The following RAB32 variants were observed in gnomAD, a reference collection of about 807,000 sequenced individuals.
RAB32 encodes the protein ras-related protein Rab-32.
A neutral mutation model predicts 17.5 loss-of-function variants in RAB32; 17 were observed. The ratio of observed to expected loss-of-function variants is 0.97; its 90% confidence interval spans 0.67 to 1.46. The LOEUF (loss-of-function observed/expected upper bound fraction) is 1.46. RAB32 is among the 40% of genes most tolerant of loss of function. The pLI, the probability that RAB32 is intolerant of heterozygous loss-of-function variation, is 0.00. For synonymous variants in RAB32, 115 were observed against 111.1 expected, an observed-to-expected ratio of 1.04 and a Z score of -0.22; for missense variants, 288 against 284.3, an observed-to-expected ratio of 1.01 and a Z score of -0.09.
At chr6:146,544,846 T>C (rs1779801329) in intron 1 of RAB32, among the ~76,000 whole-genome samples, 1 of 123,278 alleles carries the variant, frequency 8.1e-6, no homozygotes, top group Non-Finnish European at 1.6e-5. Flanking sequence ...TTTGAGGGGG[T>C]ACATTTCCCT....
At chr6:146,548,440 C>T (rs1779851201) in intron 1 of RAB32, among the ~76,000 whole-genome samples, 1 of 152,170 alleles carries the variant, frequency 6.6e-6, no homozygotes, top group South Asian at 2.1e-4. Flanking sequence ...GCCTGTTGCT[C>T]ATGTGTTTCA....
chr6:146,550,086 G>T (rs1779876835), intron 2 of RAB32, among the ~76,000 whole-genome samples: 1 of 152,188 alleles, frequency 6.6e-6, no homozygotes, highest in Non-Finnish European at 1.5e-5. Flanking sequence ...TTTACAAAAG[G>T]CTAAGTGAAT....
At position 146,554,512 on chromosome 6, in the gene RAB32, C is replaced by A; in HGVS notation, c.585C>A (p.Asn195Lys). 6.2e-7 allele frequency: 1 copy of A among 1,613,860 alleles called. No homozygotes were observed. ...TCCTAGTGGAGAAGATTCTTGTAAA[C>A]CACCAAAGCTTTCCTAATGAAGAAA... is the stretch of plus-strand genomic sequence containing the variant. ...ARFLVEKILVNHQSFPNEEND... is the reference protein window; with the variant it reads ...ARFLVEKILVKHQSFPNEEND... The change falls in exon 3 of 3, where the codon AAC becomes AAA. Residue 195 changes from asparagine to lysine, a missense_variant. Asn to Lys is a moderately conservative substitution (Grantham distance 94, BLOSUM62 0). Transcript: ENST00000367495.
intron 1 of RAB32, among the ~76,000 whole-genome samples, chr6:146,546,280 G>T (rs958609994): frequency 1.2e-4 from 19 of 152,016 alleles, no homozygotes; most frequent in African/African-American, 3.6e-4. Flanking sequence ...AGGTATTGTT[G>T]TCCCATACAG....
chr6:146,550,791 A>G (rs1779887798), intron 2 of RAB32, among the ~76,000 whole-genome samples: 1 of 152,110 alleles, frequency 6.6e-6, no homozygotes, highest in African/African-American at 2.4e-5. Context: ...TTTATGTAAG[A>G]ATGATGAAAT....
chr6:146,544,779 G>GCCC (rs368191392), intron 1 of RAB32, among the ~76,000 whole-genome samples: 34 of 68,248 alleles, frequency 5.0e-4, no homozygotes, highest in African/African-American at 1.5e-3. Flanking sequence ...GCCCCCCCCC[G>GCCC]CCCCCCCCCC....
chr6:146,543,844 C>A lies in RAB32; in HGVS notation c.-28C>A. The stretch of plus-strand genomic sequence containing the variant: ...CCGGGCAGGGGGCCAGACTCGGAGT[C>A]GAGGCGCGCCCGACAGCCGCAGCGC... On this transcript the variant is annotated 5_prime_UTR_variant, in exon 1 of 3. Transcript: ENST00000367495. 1.5e-6 allele frequency: 2 copies of A among 1,342,290 alleles called. No homozygotes were observed. Among genetic ancestry groups the A allele is most frequent in the South Asian group, 1.8e-5 (1 of 55,492 alleles). The allele number at this position is 1,342,290 out of a possible 1,614,324, so 83.1% of individuals were successfully genotyped here. A position where few individuals can be genotyped will look rare whatever the true frequency, so the allele number is the denominator to read the frequency against.
Position 146,543,840 on chromosome 6 carries a change from G to A in RAB32, c.-32G>A. The A allele has an allele frequency of 7.5e-7, 1 of 1,330,272 alleles. No individual in the cohort carries two copies. The highest frequency in any genetic ancestry group is 9.6e-7 in the Non-Finnish European group (1 of 1,037,806). 82.4% of individuals were successfully genotyped at this position (1,330,272 alleles called of 1,614,324 possible). On this transcript the variant is annotated 5_prime_UTR_variant, in exon 1 of 3. Transcript: ENST00000367495. ...GAGGCCGGGCAGGGGGCCAGACTCG[G>A]AGTCGAGGCGCGCCCGACAGCCGCA...
At position 146,543,893 on chromosome 6, in the gene RAB32, G is replaced by C; in HGVS notation, c.22G>C (p.Asp8His). 8 of 1,538,244 alleles carry C rather than the reference G, an allele frequency of 5.2e-6. No individual in the cohort carries two copies. Among genetic ancestry groups the C allele is most frequent in the Non-Finnish European group, 7.0e-6 (8 of 1,145,438 alleles). The stretch of plus-strand genomic sequence containing the variant: ...GCTCATGGCGGGCGGAGGAGCCGGG[G>C]ACCCCGGCCTGGGGGCGGCCGCCGC... MAGGGAGDPGLGAAAAPA... is the reference protein window; with the variant it reads MAGGGAGHPGLGAAAAPA... Residue 8 changes from aspartate (D) to histidine (H), a missense_variant, in exon 1 of 3, where the codon GAC becomes CAC. Physicochemically the swap from Asp to His is moderately conservative, Grantham distance 81. Coordinates refer to ENST00000367495, the MANE Select transcript of RAB32 (RefSeq NM_006834.5).
Position 146,549,447 on chromosome 6 carries a change from CTTA to C in RAB32, c.251-15_251-13del, listed in dbSNP as rs775058551. On this transcript the variant is annotated splice_polypyrimidine_tract_variant and intron_variant, in intron 1 of 2. Transcript: ENST00000367495. ...CTGAATTACAAGTTTTTAATTTTTTCTTATATTTATGTCTAGGGCAGGAGCGAT... is the reference window on the plus strand; with the variant it reads ...CTGAATTACAAGTTTTTAATTTTTTCTATTTATGTCTAGGGCAGGAGCGAT... 9.9e-5 allele frequency: 157 copies of C among 1,593,094 alleles called. No homozygotes were observed. Among genetic ancestry groups the C allele is most frequent in the Non-Finnish European group, 9.0e-5 (105 of 1,172,090 alleles).
At chr6:146,553,700 T>C (rs775397658) in intron 2 of RAB32, among the ~76,000 whole-genome samples, 4 of 152,216 alleles carry the variant, frequency 2.6e-5, no homozygotes, top group Non-Finnish European at 5.9e-5. Flanking sequence ...TTCCTGATTT[T>C]GATAGTTGTA....
At chr6:146,554,274 C>G (rs1779931388) in intron 2 of RAB32, among the ~76,000 whole-genome samples, 182 bp from the exon 3 acceptor site, 1 of 152,106 alleles carries the variant, frequency 6.6e-6, no homozygotes, top group African/African-American at 2.4e-5. Flanking sequence ...GGAATTCTTT[C>G]CATCACCACA....
chr6:146,550,911 C>T (rs977385378), intron 2 of RAB32, among the ~76,000 whole-genome samples: 5 of 152,082 alleles, frequency 3.3e-5, no homozygotes, highest in African/African-American at 7.2e-5. Flanking sequence ...TGTGTGTTTA[C>T]GGGTGTTTTT....
At chr6:146,544,174 C>T in intron 1 of RAB32, 53 bp downstream of exon 1, 2 of 1,536,932 alleles carry the variant, frequency 1.3e-6, no homozygotes, top group Non-Finnish European at 1.8e-6. Context: ...CCGCCTGGCT[C>T]CTCTCTGCTT....
chr6:146,550,728 G>GA (rs149439501), intron 2 of RAB32, among the ~76,000 whole-genome samples: 2,923 of 149,278 alleles, frequency 0.02, 100 homozygotes, highest in African/African-American at 0.068. Flanking sequence ...AATGTTTGGG[G>GA]GGGGGGTTAC....
intron 2 of RAB32, among the ~76,000 whole-genome samples, chr6:146,551,723 C>T (rs1465745734): frequency 6.6e-6 from 1 of 152,046 alleles, no homozygotes; most frequent in Non-Finnish European, 1.5e-5. Flanking sequence ...TCCAGATTTG[C>T]CCCCAGATGT....
At chr6:146,545,423 C>T (rs1779808454) in intron 1 of RAB32, among the ~76,000 whole-genome samples, 1 of 152,108 alleles carries the variant, frequency 6.6e-6, no homozygotes, top group Non-Finnish European at 1.5e-5. Flanking sequence ...CACTGAAGCC[C>T]ATGGAGGGTA....
chr6:146,548,050 G>A (rs1012942362), intron 1 of RAB32, among the ~76,000 whole-genome samples: 1 of 152,132 alleles, frequency 6.6e-6, no homozygotes, highest in Admixed American at 6.5e-5. Flanking sequence ...GCAGAATAGC[G>A]ATTTTGAACA....
intron 2 of RAB32, among the ~76,000 whole-genome samples, chr6:146,550,236 A>G (rs1203556035): frequency 3.9e-5 from 6 of 152,204 alleles, no homozygotes; most frequent in Non-Finnish European, 7.3e-5. Flanking sequence ...AAGTATCAAC[A>G]TTTGTGGTAT....
Sources: allele counts gnomAD v4.1 joint callset (sites outside exome capture counted in the v4.1 genomes callset), GRCh38; gene constraint gnomAD v4.1.1; transcripts MANE v1.5; gene names NCBI Gene and HGNC (gene_info 2026-07-23, HGNC 2026-07-21).